CSNK1G3: variants seen among roughly 807,000 people sequenced by gnomAD.
The protein encoded by CSNK1G3 is casein kinase I isoform gamma-3.
Under a neutral mutation model 64.3 loss-of-function variants are expected in CSNK1G3, and 23 were observed. That is an observed-to-expected ratio of 0.36 (90% confidence interval 0.26 to 0.51). The LOEUF (loss-of-function observed/expected upper bound fraction) is 0.51. Ranked by LOEUF, CSNK1G3 falls within the 20% of genes least tolerant of loss-of-function variation. The pLI is 0.96. For missense variants in CSNK1G3, 357 were observed against 510.5 expected, an observed-to-expected ratio of 0.70 and a Z score of 2.90; for synonymous variants, 158 against 162.2, an observed-to-expected ratio of 0.97 and a Z score of 0.20.
intron 10 of CSNK1G3, among the ~76,000 whole-genome samples, chr5:123,592,076 A>G (rs1334876064): frequency 2.6e-5 from 4 of 152,042 alleles, no homozygotes; most frequent in Non-Finnish European, 5.9e-5. Flanking sequence ...AAAGAGAATA[A>G]GCTATATTAC....
At chr5:123,541,222 C>T (rs1781623598) in intron 1 of CSNK1G3, among the ~76,000 whole-genome samples, 1 of 151,960 alleles carries the variant, frequency 6.6e-6, no homozygotes, top group Non-Finnish European at 1.5e-5. Context: ...TCGTTTTGCT[C>T]ATTCATATTT....
At chr5:123,512,822 G>A (rs1048153022) in intron 1 of CSNK1G3, among the ~76,000 whole-genome samples, 4 of 151,860 alleles carry the variant, frequency 2.6e-5, no homozygotes, top group Non-Finnish European at 5.9e-5. Context: ...GGGCAGCGGG[G>A]GCCGCGGGTG....
chr5:123,537,604 A>G (rs192884191), intron 1 of CSNK1G3, among the ~76,000 whole-genome samples: 2 of 152,276 alleles, frequency 1.3e-5, no homozygotes, highest in Non-Finnish European at 2.9e-5. Flanking sequence ...GTTTTATAGT[A>G]ATGGTGTGCT....
intron 10 of CSNK1G3, among the ~76,000 whole-genome samples, chr5:123,599,408 A>G (rs1794042533): frequency 6.6e-6 from 1 of 152,224 alleles, no homozygotes; most frequent in African/African-American, 2.4e-5. Flanking sequence ...CGAAAGAATA[A>G]CATTCATTGT....
chr5:123,595,476 A>T (rs1303102183), intron 10 of CSNK1G3, among the ~76,000 whole-genome samples: 1 of 152,160 alleles, frequency 6.6e-6, no homozygotes, highest in African/African-American at 2.4e-5. Flanking sequence ...GCTTAAATTA[A>T]TAGAACATTT....
At position 123,519,075 on chromosome 5, in the gene CSNK1G3, C is replaced by T. The variant is rs142977875; in HGVS notation, c.-248+6505C>T. Among the ~76,000 whole-genome samples, 613 of 150,632 alleles carry T rather than the reference C, an allele frequency of 4.1e-3. 5 individuals are homozygous for T. The highest frequency in any genetic ancestry group is 0.017 in the South Asian group (83 of 4,754). ...GTGGCTGGCAAGTTACTTTTTGAGA[C>T]GGAGTTTTACTCTTGTTTCCCAGGC... On this transcript the variant is annotated intron_variant, in intron 1 of 12. Coordinates refer to ENST00000345990, the Ensembl canonical transcript of CSNK1G3.
intron 10 of CSNK1G3, among the ~76,000 whole-genome samples, chr5:123,592,740 C>CTATA (rs3066504): frequency 0.025 from 3,638 of 147,986 alleles, 125 homozygotes; most frequent in African/African-American, 0.077. Context: ...CAATATTATG[C>CTATA]TATATATATA....
chr5:123,515,997 G>T (rs1046627477), intron 1 of CSNK1G3, among the ~76,000 whole-genome samples: 2 of 151,098 alleles, frequency 1.3e-5, no homozygotes, highest in Admixed American at 6.6e-5. Flanking sequence ...ATTTGAGTCA[G>T]TTTTTTTTTC....
chr5:123,590,381 A>G (rs1466731129), intron 8 of CSNK1G3, 29 bp from the exon 9 acceptor site: 4 of 1,170,840 alleles, frequency 3.4e-6, no homozygotes, highest in Non-Finnish European at 4.6e-6. Flanking sequence ...AGAAAAGTAT[A>G]GTCCAAATAA....
At chr5:123,541,250 C>T (rs894626314) in intron 1 of CSNK1G3, among the ~76,000 whole-genome samples, 24 of 151,886 alleles carry the variant, frequency 1.6e-4, no homozygotes, top group Admixed American at 2.6e-4. Context: ...TTATGTCTTT[C>T]TGTTGAATTG....
intron 4 of CSNK1G3, among the ~76,000 whole-genome samples, chr5:123,564,609 T>G (rs1412436495): frequency 1.3e-5 from 2 of 152,250 alleles, no homozygotes; most frequent in South Asian, 2.1e-4. Context: ...TAAGTTCCAT[T>G]CAGTTTTTGC....
At chr5:123,549,058 A>G (rs1156951053) in intron 2 of CSNK1G3, among the ~76,000 whole-genome samples, 3 of 152,238 alleles carry the variant, frequency 2.0e-5, no homozygotes, top group Admixed American at 6.5e-5. Context: ...TATGATTTCT[A>G]TTGAATGCAT....
At chr5:123,597,722 T>A (rs547533770) in intron 10 of CSNK1G3, among the ~76,000 whole-genome samples, 159 of 152,222 alleles carry the variant, frequency 1.0e-3, no homozygotes, top group Non-Finnish European at 1.7e-3. Flanking sequence ...AAGTTGAGAG[T>A]TACCAGGTTG....
Position 123,610,371 on chromosome 5 carries a change from A to G in CSNK1G3, c.1218-3971A>G, listed in dbSNP as rs76929993. ...AGGAGAAACTAGGTTCTGGAGTCCT[A>G]CGTGGTTAGTTCTAGGAGGTACCAA... is the stretch of plus-strand genomic sequence containing the variant. On this transcript the variant is annotated intron_variant, in intron 12 of 12. Coordinates refer to ENST00000345990, the Ensembl canonical transcript of CSNK1G3. 3.9e-5 allele frequency among the ~76,000 whole-genome samples: 6 copies of G among 152,300 alleles called. No homozygotes were observed. The East Asian group carries it at 5.8e-4, about 15-fold the overall frequency.
At chr5:123,598,288 C>A (rs1049304091) in intron 10 of CSNK1G3, among the ~76,000 whole-genome samples, 8 of 152,088 alleles carry the variant, frequency 5.3e-5, no homozygotes, top group African/African-American at 1.9e-4. Context: ...CCATTCATTA[C>A]TCAGCAAATT....
chr5:123,559,411 G>GT (rs1032859517), intron 4 of CSNK1G3, among the ~76,000 whole-genome samples: 4 of 152,112 alleles, frequency 2.6e-5, no homozygotes, highest in Non-Finnish European at 5.9e-5. Context: ...ACTTTTTTCT[G>GT]TTTTATATTT....
intron 4 of CSNK1G3, among the ~76,000 whole-genome samples, chr5:123,566,680 A>G (rs1318081802): frequency 6.6e-6 from 1 of 152,114 alleles, no homozygotes; most frequent in Non-Finnish European, 1.5e-5. Flanking sequence ...TTGTTTGCTC[A>G]GTGATTAAAA....
chr5:123,549,653 C>T (rs1480903447), intron 2 of CSNK1G3, among the ~76,000 whole-genome samples: 3 of 152,166 alleles, frequency 2.0e-5, no homozygotes, highest in East Asian at 3.9e-4. Context: ...CTAGGCACTC[C>T]GCTTGCTCTT....
At chr5:123,540,558 A>G (rs974049732) in intron 1 of CSNK1G3, among the ~76,000 whole-genome samples, 2 of 152,064 alleles carry the variant, frequency 1.3e-5, no homozygotes, top group Non-Finnish European at 2.9e-5. Flanking sequence ...CAACTCCTGA[A>G]TTATTTAAAT....
Sources: gnomAD v4.1 joint callset for allele counts (sites outside exome capture counted in the v4.1 genomes callset) on GRCh38, gnomAD v4.1.1 for gene constraint, MANE v1.5 for transcripts, NCBI Gene and HGNC (gene_info 2026-07-23, HGNC 2026-07-21) for gene names.